The following NDUFAF6 variants were observed in gnomAD, a reference collection of about 807,000 sequenced individuals.
The protein encoded by NDUFAF6 is NADH:ubiquinone oxidoreductase complex assembly factor 6.
Under a neutral mutation model 40.8 loss-of-function variants are expected in NDUFAF6, and 45 were observed. The ratio of observed to expected loss-of-function variants is 1.10; its 90% CI spans 0.87 to 1.42. NDUFAF6 has a LOEUF of 1.42. Among genes scored for constraint, NDUFAF6 ranks in the 40% most tolerant of loss-of-function variants. NDUFAF6 has a pLI of 0.00. For synonymous variants in NDUFAF6, 185 were observed against 155.9 expected (o/e 1.19, Z -1.39); for missense variants, 435 against 418.5 (o/e 1.04, Z -0.34).
chr8:95,109,900 C>G (rs1245780070), intron 4 of NDUFAF6, among the ~76,000 whole-genome samples: 2 of 152,130 alleles, frequency 1.3e-5, no homozygotes, highest in Admixed American at 6.6e-5. Context: ...GCTACACTTA[C>G]AAAAAAATTG....
chr8:94,957,104 G>A (rs149615867), upstream of NDUFAF6, among the ~76,000 whole-genome samples: 1,057 of 152,088 alleles, frequency 6.9e-3, 7 homozygotes, highest in African/African-American at 0.024. Flanking sequence ...CCTGGGAGGC[G>A]GGGGTTGCAG....
At chr8:95,020,148 G>T (rs1827630165), upstream of NDUFAF6, among the ~76,000 whole-genome samples, 1 of 152,158 alleles carries the variant, frequency 6.6e-6, no homozygotes, top group Admixed American at 6.5e-5. Flanking sequence ...GCAGTGAGCG[G>T]AGATCGCACC....
intron 2 of NDUFAF6, among the ~76,000 whole-genome samples, chr8:94,989,559 T>C (rs1826101212): frequency 6.6e-6 from 1 of 152,178 alleles, no homozygotes; most frequent in South Asian, 2.1e-4. Flanking sequence ...TGTGAATGAG[T>C]GAATAATGAA....
upstream of NDUFAF6, among the ~76,000 whole-genome samples, chr8:94,953,712 C>T (rs148553770): frequency 2.0e-3 from 305 of 152,344 alleles, 1 homozygote; most frequent in Non-Finnish European, 3.8e-3. Flanking sequence ...TGCCTTTCTG[C>T]TCTTCTCAAA....
chr8:95,026,603 T>A (rs566966837), intron 1 of NDUFAF6, among the ~76,000 whole-genome samples: 1 of 152,358 alleles, frequency 6.6e-6, no homozygotes, highest in Admixed American at 6.5e-5. Flanking sequence ...AAAGATTGCA[T>A]TATTTTTATA....
At chr8:95,112,179 C>T (rs1810016282) in intron 4 of NDUFAF6, among the ~76,000 whole-genome samples, 1 of 152,146 alleles carries the variant, frequency 6.6e-6, no homozygotes, top group African/African-American at 2.4e-5. Context: ...AAGGCCTCTG[C>T]TTTTGTATGT....
intron 2 of NDUFAF6, chr8:94,950,809 G>A (rs746446043): frequency 6.6e-6 from 1 of 152,008 alleles, no homozygotes; most frequent in Non-Finnish European, 1.5e-5. Flanking sequence ...TCAGAACCAA[G>A]GTATGATGAC....
Position 94,986,504 on chromosome 8 carries a change from AT to A in NDUFAF6, c.-84+5535del, listed in dbSNP as rs1825909639. 2.0e-5 allele frequency among the ~76,000 whole-genome samples: 3 copies of A among 152,340 alleles called. No homozygotes were observed. In the South Asian group the frequency reaches 6.2e-4, roughly 32 times the overall value. On this transcript the variant is annotated intron_variant, in intron 2 of 9. Transcript: ENST00000396111. The stretch of plus-strand genomic sequence containing the variant: ...AATCTAGAGGTAGCTTTCTGAAATC[AT>A]TTTAAACATAAAGAGATATGACTTA...
intron 1 of NDUFAF6, among the ~76,000 whole-genome samples, chr8:94,909,449 A>AC (rs1818617306): frequency 6.6e-6 from 1 of 150,574 alleles, no homozygotes; most frequent in South Asian, 2.1e-4. Context: ...ACATAGTGAA[A>AC]CCCCGTCTGT....
At chr8:95,024,361 T>C (rs1009734652), upstream of NDUFAF6, among the ~76,000 whole-genome samples, 5 of 152,162 alleles carry the variant, frequency 3.3e-5, no homozygotes, top group African/African-American at 4.8e-5. Flanking sequence ...CAGAGGATAC[T>C]GGGAGAAAAA....
downstream of NDUFAF6, among the ~76,000 whole-genome samples, chr8:95,080,236 T>C (rs1376776807): frequency 6.6e-6 from 1 of 151,918 alleles, no homozygotes; most frequent in Non-Finnish European, 1.5e-5. Context: ...TTTTTTGTAG[T>C]GATTTTTTGT....
rs991692732 is a variant in NDUFAF6 at position 94,918,944 on chromosome 8, T to C, written c.-936+23017T>C. Among the ~76,000 whole-genome samples, 10 of 152,364 alleles carry C rather than the reference T, an allele frequency of 6.6e-5. 1 individual carries two copies. The highest frequency in any genetic ancestry group is 6.5e-4 in the Admixed American group (10 of 15,296). On this transcript the variant is annotated intron_variant, in intron 1 of 14. Coordinates refer to the NDUFAF6 transcript ENST00000396113. ...TTTAAAACCTTTAGGCCACGGTGTA[T>C]TGAAGCAACTTTGGGACACATTCTC...
downstream of NDUFAF6, among the ~76,000 whole-genome samples, chr8:95,060,133 T>A (rs1316002287): frequency 2.0e-5 from 3 of 152,172 alleles, no homozygotes; most frequent in Non-Finnish European, 4.4e-5. Context: ...CCATTTTAAA[T>A]TTGATGCTTA....
chr8:95,072,419 C>T (rs1039146328), intron 9 of NDUFAF6, among the ~76,000 whole-genome samples: 3 of 152,202 alleles, frequency 2.0e-5, no homozygotes, highest in Non-Finnish European at 4.4e-5. Context: ...ATCTTAGTTA[C>T]CCTTGTAACA....
intron 1 of NDUFAF6, chr8:94,930,220 C>T (rs1820255106): frequency 6.6e-6 from 3 of 455,836 alleles, no homozygotes; most frequent in Non-Finnish European, 1.2e-5. Context: ...TAAAGACACC[C>T]CCAAACACTG....
intron 3 of NDUFAF6, among the ~76,000 whole-genome samples, chr8:95,040,167 T>TC (rs1563817603): frequency 6.6e-6 from 1 of 152,132 alleles, no homozygotes; most frequent in Non-Finnish European, 1.5e-5. Flanking sequence ...TTGAAGAGTA[T>TC]CCCCCCGACC....
intron 4 of NDUFAF6, among the ~76,000 whole-genome samples, chr8:95,042,742 A>C (rs1366312471): frequency 6.6e-6 from 1 of 152,218 alleles, no homozygotes; most frequent in Non-Finnish European, 1.5e-5. Context: ...TCAGAACTTA[A>C]CTACAAAGCT....
At chr8:95,102,167 G>C (rs911861398) in intron 2 of NDUFAF6, among the ~76,000 whole-genome samples, 1 of 151,988 alleles carries the variant, frequency 6.6e-6, no homozygotes, top group South Asian at 2.1e-4. Flanking sequence ...AGCTACTTTT[G>C]TATTTGTACT....
At position 94,906,516 on chromosome 8, in the gene NDUFAF6, C is replaced by T. The variant is rs1457614299; in HGVS notation, c.-936+10589C>T. Among the ~76,000 whole-genome samples the T allele has an allele frequency of 3.3e-5, 5 of 152,190 alleles. No individual in the cohort carries two copies. The East Asian group carries it at 7.7e-4, about 23-fold the overall frequency. On this transcript the variant is annotated intron_variant, in intron 1 of 14. Transcript: ENST00000396113. ...TTTCCCTTGGCAACAGGGATTGTTTCATGATAGGACAAATGTTCCAAGCAG... is the reference window on the plus strand; with the variant it reads ...TTTCCCTTGGCAACAGGGATTGTTTTATGATAGGACAAATGTTCCAAGCAG...
Sources: gnomAD v4.1 joint callset for allele counts (sites outside exome capture counted in the v4.1 genomes callset) on GRCh38, gnomAD v4.1.1 for gene constraint, MANE v1.5 for transcripts, NCBI Gene and HGNC (gene_info 2026-07-23, HGNC 2026-07-21) for gene names.